The following CCDC30 variants were observed in gnomAD, a reference collection of about 807,000 sequenced individuals.
CCDC30 encodes the protein coiled-coil domain containing 30.
In CCDC30, 70 loss-of-function variants were observed where a neutral mutation model predicts 100.2. The ratio of observed to expected loss-of-function variants is 0.70; its 90% CI spans 0.58 to 0.85. CCDC30 has a LOEUF of 0.85. Ranked by LOEUF, CCDC30 falls within the 40% of genes least tolerant of loss-of-function variation. The pLI is 0.00. For synonymous variants in CCDC30, 233 were observed against 269.5 expected (o/e 0.86, Z 1.33); for missense variants, 652 against 771.2 (o/e 0.85, Z 1.83).
intron 6 of CCDC30, 23 bp downstream of exon 9, chr1:42,545,602 C>G (rs764421769): frequency 3.1e-5 from 49 of 1,574,124 alleles, no homozygotes; most frequent in Non-Finnish European, 3.9e-5. Flanking sequence ...AATCCTATAT[C>G]ACATTAATTA....
At chr1:42,456,644 G>C in the CCDC30 span, 1 of 1,578,008 alleles carries the variant, frequency 6.3e-7, no homozygotes, top group Non-Finnish European at 8.6e-7. Flanking sequence ...GGCTCGCTTC[G>C]CGGCCAGGCT....
chr1:42,500,405 C>T, intron 6 of CCDC30: 1 of 986,508 alleles, frequency 1.0e-6, no homozygotes, highest in South Asian at 1.4e-5. Context: ...GCAGTGGCCA[C>T]CACCGAGTTC....
chr1:42,484,123 CAAAT>C (rs1306253384), intron 3 of CCDC30, among the ~76,000 whole-genome samples: 2 of 145,016 alleles, frequency 1.4e-5, no homozygotes, highest in Admixed American at 6.7e-5. Flanking sequence ...TGATTAAAAA[CAAAT>C]AATAATAAAA....
intron 7 of CCDC30, among the ~76,000 whole-genome samples, chr1:42,570,096 G>A (rs1645700502): frequency 6.6e-6 from 1 of 152,084 alleles, no homozygotes; most frequent in African/African-American, 2.4e-5. Flanking sequence ...TGCGTGTTCT[G>A]CACATGTATC....
rs563915084 is a variant in CCDC30 at position 42,635,450 on chromosome 1, T to C, written c.1278-1787T>C. On this transcript the variant is annotated intron_variant, in intron 11 of 16. Coordinates refer to ENST00000668663, the Ensembl canonical transcript of CCDC30. ...GCTGCTATGAACATTTGTGTATAAG[T>C]TTTTGTGTGGACATATGTTTTCATT... Among the ~76,000 whole-genome samples the C allele has an allele frequency of 8.5e-4, 130 of 152,292 alleles. 2 individuals are homozygous for C. The South Asian group carries it at 0.025, about 29-fold the overall frequency.
chr1:42,552,671 G>A (rs1029956116), intron 6 of CCDC30, among the ~76,000 whole-genome samples: 10 of 152,148 alleles, frequency 6.6e-5, no homozygotes, highest in African/African-American at 2.4e-4. Context: ...GGTGAGGATG[G>A]GAATTCCTTT....
intron 1 of CCDC30, among the ~76,000 whole-genome samples, chr1:42,478,049 C>G (rs991584676): frequency 2.6e-5 from 4 of 152,160 alleles, no homozygotes; most frequent in Non-Finnish European, 5.9e-5. Context: ...GATTTGACAC[C>G]TGGACTATGC....
At chr1:42,469,980 C>T (rs1441276562) in intron 1 of CCDC30, among the ~76,000 whole-genome samples, 1 of 152,140 alleles carries the variant, frequency 6.6e-6, no homozygotes, top group Non-Finnish European at 1.5e-5. Flanking sequence ...TTCAGATTTG[C>T]ATGCCTGTTT....
intron 10 of CCDC30, among the ~76,000 whole-genome samples, chr1:42,609,468 T>A (rs1265575164): frequency 6.6e-6 from 1 of 150,956 alleles, no homozygotes; most frequent in African/African-American, 2.4e-5. Flanking sequence ...GTGTGGGGGG[T>A]CAGTGCCCCT....
rs758767431 is a variant in CCDC30, at chr1:42,556,300, G to A, written c.457-9996G>A. On this transcript the variant is annotated intron_variant, in intron 6 of 16. Coordinates refer to ENST00000668663, the Ensembl canonical transcript of CCDC30. ...AAGAAAAAGAACAGCAGTTAACCAT[G>A]AAGCCTGAGGAAATTGTGAGGCTTA... 1 of 1,613,942 alleles carries A rather than the reference G, an allele frequency of 6.2e-7. No homozygotes were observed. The highest frequency in any genetic ancestry group is 1.3e-5 in the African/African-American group (1 of 74,888).
chr1:42,642,569 A>G, exon 13 of CCDC30: 1 of 1,603,194 alleles, frequency 6.2e-7, no homozygotes, highest in South Asian at 1.1e-5. Context: ...AGAACAGTTG[A>G]TCCACAGCAA....
intron 6 of CCDC30, among the ~76,000 whole-genome samples, chr1:42,504,790 C>T (rs1644371473): frequency 6.6e-6 from 1 of 152,158 alleles, no homozygotes; most frequent in Admixed American, 6.5e-5. Flanking sequence ...AAACATCCCT[C>T]TTTTTAAACA....
Position 42,499,003 on chromosome 1 carries a change from C to A in CCDC30, c.456+87C>A, listed in dbSNP as rs16829597. 1.3e-3 allele frequency: 808 copies of A among 604,444 alleles called. 4 individuals are homozygous for A. In the African/African-American group the frequency reaches 0.014, roughly 10 times the overall value. 37.4% of individuals were successfully genotyped at this position (604,444 alleles called of 1,614,324 possible). A position where few individuals can be genotyped will look rare whatever the true frequency, so the allele number is the denominator to read the frequency against. Reference sequence around the variant, plus strand: ...GTATACTAGAGTGATTGGTGCTAATCATTTGCTACTCTTTCTTATTGGGCT... The same window carrying A: ...GTATACTAGAGTGATTGGTGCTAATAATTTGCTACTCTTTCTTATTGGGCT... On this transcript the variant is annotated intron_variant, in intron 6 of 16. Transcript: ENST00000668663.
At chr1:42,613,415 C>T (rs756311080) in intron 11 of CCDC30, among the ~76,000 whole-genome samples, 1 of 152,086 alleles carries the variant, frequency 6.6e-6, no homozygotes, top group African/African-American at 2.4e-5. Flanking sequence ...CTGCCACGCC[C>T]GGCTTATTTT....
At chr1:42,531,856 C>T (rs910615258) in intron 6 of CCDC30, among the ~76,000 whole-genome samples, 1 of 152,172 alleles carries the variant, frequency 6.6e-6, no homozygotes, top group African/African-American at 2.4e-5. Flanking sequence ...TGTAATGACT[C>T]TCCTGGGGGT....
At chr1:42,479,112 G>A (rs554259517) in intron 1 of CCDC30, among the ~76,000 whole-genome samples, 10 of 152,136 alleles carry the variant, frequency 6.6e-5, no homozygotes, top group East Asian at 1.9e-4. Context: ...GCGATGTTTC[G>A]CACCTGTAAT....
chr1:42,525,396 A>G (rs1013411616), intron 6 of CCDC30, among the ~76,000 whole-genome samples: 4 of 151,594 alleles, frequency 2.6e-5, no homozygotes, highest in Non-Finnish European at 5.9e-5. Flanking sequence ...TTTTTTCTGT[A>G]GTGTTTATTG....
At chr1:42,563,855 C>T (rs969846664) in intron 6 of CCDC30, among the ~76,000 whole-genome samples, 7 of 150,678 alleles carry the variant, frequency 4.6e-5, no homozygotes, top group Admixed American at 1.3e-4. Context: ...CCAGCCTGGG[C>T]GACAAAGCGA....
chr1:42,642,486 A>T (rs753963282), exon 13 of CCDC30: 3 of 1,586,288 alleles, frequency 1.9e-6, no homozygotes, highest in Admixed American at 3.5e-5. Context: ...AAGGCAATAC[A>T]GGACCAGATC....
Sources: allele counts gnomAD v4.1 joint callset (sites outside exome capture counted in the v4.1 genomes callset), GRCh38; gene constraint gnomAD v4.1.1; transcripts MANE v1.5; gene names NCBI Gene and HGNC (gene_info 2026-07-23, HGNC 2026-07-21).